Variants in CERS3 observed in about 807,000 individuals in gnomAD.
The protein encoded by CERS3 is LAG1 homolog, ceramide synthase 3.
CERS3 carries 33 observed loss-of-function variants against 50.3 expected under a neutral mutation model. That is an observed-to-expected ratio of 0.66 (90% CI 0.50 to 0.88). CERS3 has a LOEUF of 0.88. CERS3 is among the 40% of genes least tolerant of loss of function. The pLI, the probability that CERS3 is intolerant of heterozygous loss-of-function variation, is 0.00. For missense variants in CERS3, 470 were observed against 460.3 expected, an observed-to-expected ratio of 1.02 and a Z score of -0.19; for synonymous variants, 176 against 155.2, an observed-to-expected ratio of 1.13 and a Z score of -0.99.
chr15:100,472,055 C>A lies in CERS3; in HGVS notation c.738+869G>T, dbSNP rs1286843978. On this transcript the variant is annotated intron_variant, in intron 9 of 11. Transcript: ENST00000679737. ...GCCCTTTGCCAAGAAGTTTGCTAAA[C>A]CCCAACCTAGAAGAATAAGATTCTA... is the stretch of plus-strand genomic sequence containing the variant. 2.0e-5 allele frequency among the ~76,000 whole-genome samples: 3 copies of A among 152,332 alleles called. No homozygotes were observed. The East Asian group carries it at 5.8e-4, about 29-fold the overall frequency.
At chr15:100,484,325 C>G (rs2035422003) in intron 5 of CERS3, among the ~76,000 whole-genome samples, 1 of 152,176 alleles carries the variant, frequency 6.6e-6, no homozygotes, top group Admixed American at 6.5e-5. Context: ...TGAATCTATT[C>G]TGGTTCGGGA....
chr15:100,538,798 C>G (rs967825282), intron 1 of CERS3, among the ~76,000 whole-genome samples: 9 of 152,234 alleles, frequency 5.9e-5, no homozygotes, highest in African/African-American at 2.2e-4. Flanking sequence ...ATTTCTGCAG[C>G]CAGCTTGAAT....
intron 10 of CERS3, among the ~76,000 whole-genome samples, chr15:100,461,551 G>A (rs567821658): frequency 2.0e-5 from 3 of 152,202 alleles, no homozygotes; most frequent in Non-Finnish European, 4.4e-5. Flanking sequence ...AATGGAAAGT[G>A]CCTATTACAT....
Position 100,490,844 on chromosome 15 carries a change from G to GA in CERS3, c.260dup (p.Lys88GlnfsTer11). ...GCAATGGTTGCCTTGTGGAATGTTTGAAAAAATTCTCTAAGACAGTATTTG... is the reference window on the plus strand; with the variant it reads ...GCAATGGTTGCCTTGTGGAATGTTTGAAAAAAATTCTCTAAGACAGTATTTG... On this transcript the variant is annotated frameshift_variant, in exon 4 of 12. Transcript: ENST00000679737. LOFTEE classifies it high-confidence loss of function. 6.2e-7 allele frequency: 1 copy of GA among 1,610,552 alleles called. No homozygotes were observed. Among genetic ancestry groups the GA allele is most frequent in the Non-Finnish European group, 8.5e-7 (1 of 1,177,460 alleles).
intron 11 of CERS3, among the ~76,000 whole-genome samples, chr15:100,455,048 C>G (rs2034315009): frequency 6.6e-6 from 1 of 152,022 alleles, no homozygotes; most frequent in Non-Finnish European, 1.5e-5. Flanking sequence ...TCATCTCACC[C>G]CAGTTAAAAC....
In CERS3 at chr15:100,455,906, C is replaced by T; in HGVS notation, c.986G>A (p.Cys329Tyr). The T allele has an allele frequency of 1.2e-6, 2 of 1,610,472 alleles. No homozygotes were observed. Among genetic ancestry groups the T allele is most frequent in the Non-Finnish European group, 1.7e-6 (2 of 1,178,402 alleles). ...GACAGCCCTTACCTTCATGAATATACATCTGTTGAGCATCTTCAAGATGTA... is the reference window on the plus strand; with the variant it reads ...GACAGCCCTTACCTTCATGAATATATATCTGTTGAGCATCTTCAAGATGTA... ...GYYILKMLNR[C>Y]IFMKSIQDVR... The change falls in exon 11 of 12, where the codon TGT becomes TAT. Residue 329 changes from cysteine (C) to tyrosine (Y), a missense_variant. Cys to Tyr is a radical substitution (Grantham distance 194, BLOSUM62 -2). Coordinates refer to ENST00000679737, the MANE Select transcript of CERS3 (RefSeq NM_001378789.1).
Position 100,490,824 on chromosome 15 carries a change from G to T in CERS3, c.281C>A (p.Pro94Gln). ...CAAAGAATTTGTACTTACTTGCAATGGTTGCCTTGTGGAATGTTTGAAAAA... is the reference window on the plus strand; with the variant it reads ...CAAAGAATTTGTACTTACTTGCAATTGTTGCCTTGTGGAATGTTTGAAAAA... ...ENFFKHSTRQ[P>Q]LQTDIYGLAK... The change falls in exon 4 of 12, where the codon CCA becomes CAA. Residue 94 changes from proline (P) to glutamine (Q), a missense_variant. By Grantham distance (76) the Pro-to-Gln change is moderately conservative. Coordinates refer to ENST00000679737, the MANE Select transcript of CERS3 (RefSeq NM_001378789.1). 1 of 1,596,488 alleles carries T rather than the reference G, an allele frequency of 6.3e-7. No individual in the cohort carries two copies. Among genetic ancestry groups the T allele is most frequent in the Non-Finnish European group, 8.6e-7 (1 of 1,164,544 alleles).
chr15:100,504,116 T>C (rs1430461754), intron 2 of CERS3, among the ~76,000 whole-genome samples: 2 of 152,134 alleles, frequency 1.3e-5, no homozygotes, highest in Admixed American at 1.3e-4. Context: ...AATTGAACCC[T>C]GGTGAGATAA....
chr15:100,487,124 C>T (rs980085931), intron 4 of CERS3, among the ~76,000 whole-genome samples: 1 of 152,142 alleles, frequency 6.6e-6, no homozygotes, highest in East Asian at 1.9e-4. Context: ...ATGTGTGAAA[C>T]ATGAAGCATT....
chr15:100,473,611 C>A (rs114061073), intron 8 of CERS3, among the ~76,000 whole-genome samples: 165 of 152,190 alleles, frequency 1.1e-3, no homozygotes, highest in African/African-American at 3.8e-3. Flanking sequence ...TACTTCACAC[C>A]CACTAGGATG....
At chr15:100,533,701 GCACGTGTTAC>G (rs1361557604), upstream of CERS3, among the ~76,000 whole-genome samples, 1 of 151,808 alleles carries the variant, frequency 6.6e-6, no homozygotes, top group East Asian at 1.9e-4. Context: ...GGGATTACAG[GCACGTGTTAC>G]CACCCCCAGC....
chr15:100,450,867 G>A (rs567433336), intron 11 of CERS3, among the ~76,000 whole-genome samples: 2 of 152,146 alleles, frequency 1.3e-5, no homozygotes, highest in African/African-American at 2.4e-5. Flanking sequence ...AACCTTACAG[G>A]CCAGGGGAAA....
intron 1 of CERS3, among the ~76,000 whole-genome samples, chr15:100,528,045 AT>A (rs1404551358): frequency 1.3e-5 from 2 of 152,238 alleles, no homozygotes; most frequent in Non-Finnish European, 2.9e-5. Flanking sequence ...TAATGAATAA[AT>A]TAAAATTCAT....
intron 1 of CERS3, among the ~76,000 whole-genome samples, chr15:100,522,208 T>G (rs959980219): frequency 6.6e-6 from 1 of 152,162 alleles, no homozygotes; most frequent in East Asian, 1.9e-4. Context: ...GGTGTAACAA[T>G]TACAGTTTGT....
rs374685247 is a variant in CERS3, at chr15:100,469,464, A to G, written c.759T>C (p.Tyr253=). 2.0e-5 allele frequency: 33 copies of G among 1,613,644 alleles called. No homozygotes were observed. Among genetic ancestry groups the G allele is most frequent in the East Asian group, 4.5e-5 (2 of 44,902 alleles). Residue 253 remains tyrosine (Y), a synonymous_variant, in exon 10 of 12, where the codon TAT becomes TAC. Coordinates refer to ENST00000679737, the MANE Select transcript of CERS3 (RefSeq NM_001378789.1). ...TGTTACAGGTCTGCGTCCATCCAGC[A>G]TAAGAAAACATCTTAGCAGACTGCA... The part of the protein sequence containing the change: ...IWLESAKMFS[Y]AGWTQTCNTL...
At chr15:100,535,467 T>A (rs932261015) in intron 1 of CERS3, among the ~76,000 whole-genome samples, 1 of 152,212 alleles carries the variant, frequency 6.6e-6, no homozygotes, top group African/African-American at 2.4e-5. Context: ...AAGCACACAC[T>A]CACACAGATG....
chr15:100,430,095 G>A (rs535190782), intron 11 of CERS3, among the ~76,000 whole-genome samples: 3 of 152,102 alleles, frequency 2.0e-5, no homozygotes, highest in East Asian at 1.9e-4. Context: ...GGCGGATCAC[G>A]AGGTCAGGAG....
intron 11 of CERS3, among the ~76,000 whole-genome samples, chr15:100,412,431 T>A (rs2031562228): frequency 2.0e-5 from 3 of 152,210 alleles, no homozygotes; most frequent in Admixed American, 1.3e-4. Context: ...TTTATGCCGG[T>A]ACCACACTGT....
chr15:100,452,642 G>C (rs2034213694), intron 11 of CERS3, among the ~76,000 whole-genome samples: 1 of 151,328 alleles, frequency 6.6e-6, no homozygotes, highest in Admixed American at 6.6e-5. Flanking sequence ...TAGATGGAAA[G>C]AAATAACAAA....
Sources: gnomAD v4.1 joint callset for allele counts (sites outside exome capture counted in the v4.1 genomes callset) on GRCh38, gnomAD v4.1.1 for gene constraint, MANE v1.5 for transcripts, NCBI Gene and HGNC (gene_info 2026-07-23, HGNC 2026-07-21) for gene names.